BSDC1: variants seen among roughly 807,000 people sequenced by gnomAD.
BSDC1 encodes the protein BSD domain-containing protein 1.
Under a neutral mutation model 56.0 loss-of-function variants are expected in BSDC1, and 29 were observed. The ratio of observed to expected loss-of-function variants is 0.52; its 90% CI spans 0.39 to 0.71. The LOEUF (loss-of-function observed/expected upper bound fraction) is 0.71, where lower values mean the gene tolerates loss of function less well. Among genes scored for constraint, BSDC1 ranks in the 30% least tolerant of loss-of-function variants. The pLI is 0.00. For synonymous variants in BSDC1, 210 were observed against 215.3 expected, an observed-to-expected ratio of 0.98 and a Z score of 0.21; for missense variants, 477 against 548.5, an observed-to-expected ratio of 0.87 and a Z score of 1.30.
chr1:32,393,748 T>A, intron 2 of BSDC1: 1 of 345,858 alleles, frequency 2.9e-6, no homozygotes, highest in Non-Finnish European at 5.4e-6. Flanking sequence ...ACTGCTAGAA[T>A]CTTTTCCTTC....
At chr1:32,367,314 T>C in intron 10 of BSDC1, 5 of 985,410 alleles carry the variant, frequency 5.1e-6, no homozygotes, top group Non-Finnish European at 6.0e-6. Flanking sequence ...ACGTCAGGTT[T>C]TAAAGGGGGC....
rs1238657797 is a variant in BSDC1, at chr1:32,365,677, C to T, written c.*945G>A. ...TTTCAAGTTCACCCCCAGGATAGCC[C>T]TTCCAGAAGCAGAAGGGCTGAGGCG... On this transcript the variant is annotated 3_prime_UTR_variant, in exon 11 of 11. Transcript: ENST00000455895. 1 of 152,630 alleles carries T rather than the reference C, an allele frequency of 6.6e-6. No homozygotes were observed. The highest frequency in any genetic ancestry group is 1.5e-5 in the Non-Finnish European group (1 of 68,052). 9.5% of individuals were successfully genotyped at this position (152,630 alleles called of 1,614,324 possible).
In BSDC1 at chr1:32,378,054, T is replaced by C. The variant is rs1234592001; in HGVS notation, c.598-6A>G. The C allele has an allele frequency of 1.2e-6, 2 of 1,607,180 alleles. No homozygotes were observed. The highest frequency in any genetic ancestry group is 1.7e-6 in the Non-Finnish European group (2 of 1,175,966). ...GCGTCCCTCCGGGCCTGCTCCTGAA[T>C]GTGGGGGAGCAGAAGGCCACAGGCA... On this transcript the variant is annotated splice_region_variant and splice_polypyrimidine_tract_variant and intron_variant, in intron 7 of 10. Coordinates refer to ENST00000455895, the MANE Select transcript of BSDC1 (RefSeq NM_018045.8). This position sits in a 1 kb window ranked among gnomAD's most constrained non-coding sequence, Gnocchi z 5.2.
At chr1:32,391,315 T>C (rs1322530516) in intron 2 of BSDC1, among the ~76,000 whole-genome samples, 6 of 151,278 alleles carry the variant, frequency 4.0e-5, no homozygotes, top group African/African-American at 1.5e-4. Flanking sequence ...GGGGAGAGAG[T>C]TAAAGATCCT....
At chr1:32,367,900 G>T in intron 10 of BSDC1, 1 of 1,016,800 alleles carries the variant, frequency 9.8e-7, no homozygotes. Context: ...CAGGGGCTCA[G>T]GTTAAGTAAC....
intron 1 of BSDC1, 106 bp downstream of exon 1, chr1:32,394,298 G>A (rs1332815406): frequency 1.9e-6 from 3 of 1,593,920 alleles, no homozygotes; most frequent in Non-Finnish European, 1.7e-6. Flanking sequence ...TTTCAGATCA[G>A]TCCACGCCCC....
At position 32,386,868 on chromosome 1, in the gene BSDC1, G is replaced by A; in HGVS notation, c.100C>T (p.Arg34Trp). The A allele has an allele frequency of 6.2e-7, 1 of 1,612,232 alleles. No individual in the cohort carries two copies. Among genetic ancestry groups the A allele is most frequent in the Non-Finnish European group, 8.5e-7 (1 of 1,179,994 alleles). Residue 34 changes from arginine (R) to tryptophan (W), a missense_variant, in exon 3 of 11, where the codon CGG (arginine) becomes TGG (tryptophan). By Grantham distance (101) the Arg-to-Trp change is moderately radical. Transcript: ENST00000455895. ...ACCTGGGTAAACTCCGTCAGGTCCC[G>A]CTTCATAAACTCCAAGGCTTCAGAG... ...KSSEALEFMKRDLTEFTQVVQ... is the reference protein window; with the variant it reads ...KSSEALEFMKWDLTEFTQVVQ...
intron 2 of BSDC1, among the ~76,000 whole-genome samples, chr1:32,388,497 G>A (rs1043065119): frequency 2.6e-5 from 4 of 152,126 alleles, no homozygotes; most frequent in Non-Finnish European, 5.9e-5. Flanking sequence ...TTCCTCCCAG[G>A]TTGTCTCAGC....
chr1:32,383,888 T>G lies in BSDC1; in HGVS notation c.299A>C (p.Asp100Ala), dbSNP rs368930325. The G allele has an allele frequency of 6.2e-7, 1 of 1,612,364 alleles. No individual in the cohort carries two copies. Among genetic ancestry groups the G allele is most frequent in the South Asian group, 1.1e-5 (1 of 91,000 alleles). The change falls in exon 4 of 11, where the codon GAT becomes GCT. Residue 100 changes from aspartate to alanine, a missense_variant. By Grantham distance (126) the Asp-to-Ala change is moderately radical. Coordinates refer to ENST00000455895, the MANE Select transcript of BSDC1 (RefSeq NM_018045.8). ...APSPDKTIDC[D>A]VITLMGTPSG... ...CGGTGTGCCCATCAGGGTGATGACA[T>G]CGCAGTCGATGGTTTTGTCTGGCGA...
chr1:32,391,356 T>C (rs1570180591), intron 2 of BSDC1, among the ~76,000 whole-genome samples: 1 of 152,048 alleles, frequency 6.6e-6, no homozygotes, highest in Admixed American at 6.6e-5. Flanking sequence ...AAAAAGTAGA[T>C]GAGGTTGTCT....
intron 2 of BSDC1, among the ~76,000 whole-genome samples, chr1:32,393,007 C>T (rs889808551): frequency 8.5e-5 from 13 of 152,092 alleles, no homozygotes; most frequent in African/African-American, 2.4e-4. Context: ...GAGGTTGCAG[C>T]GAGCTGAGAC....
chr1:32,393,384 CCAGTGTGTATGGCT>C (rs1188236037), intron 2 of BSDC1, among the ~76,000 whole-genome samples: 1 of 152,190 alleles, frequency 6.6e-6, no homozygotes, highest in Non-Finnish European at 1.5e-5. Flanking sequence ...TCATCAGGCA[CCAGTGTGTATGGCT>C]CATGCTCATC....
At position 32,386,227 on chromosome 1, in the gene BSDC1, G is replaced by A. The variant is rs529987065; in HGVS notation, c.189+552C>T. On this transcript the variant is annotated intron_variant, in intron 3 of 10. Transcript: ENST00000455895. Reference sequence around the variant, plus strand: ...CCAGCTACTTGGGAGGCTGAGGCAGGAGAATAGCATGAACCCGGGAGGCGG... The same window carrying A: ...CCAGCTACTTGGGAGGCTGAGGCAGAAGAATAGCATGAACCCGGGAGGCGG... Among the ~76,000 whole-genome samples the A allele has an allele frequency of 6.7e-3, 1,008 of 151,052 alleles. 4 individuals carry two copies. The highest frequency in any genetic ancestry group is 0.011 in the Non-Finnish European group (776 of 67,880).
At chr1:32,370,804 A>C (rs1035386054) in intron 9 of BSDC1, among the ~76,000 whole-genome samples, 6 of 31,932 alleles carry the variant, frequency 1.9e-4, no homozygotes, top group African/African-American at 1.8e-3. Flanking sequence ...ACTCCGTCTC[A>C]AAAAAAAAAA....
intron 5 of BSDC1, among the ~76,000 whole-genome samples, chr1:32,380,571 G>T (rs910438248): frequency 1.3e-5 from 2 of 152,112 alleles, no homozygotes; most frequent in African/African-American, 4.8e-5. Context: ...GCTAGAACCC[G>T]GGAGGCGGAG....
At chr1:32,392,750 A>G (rs745506364) in intron 2 of BSDC1, among the ~76,000 whole-genome samples, 8 of 152,188 alleles carry the variant, frequency 5.3e-5, no homozygotes, top group Non-Finnish European at 1.2e-4. Flanking sequence ...AGGAGTACCC[A>G]GGATAAGGGA....
At chr1:32,390,637 A>G (rs940960646) in intron 2 of BSDC1, among the ~76,000 whole-genome samples, 2 of 152,156 alleles carry the variant, frequency 1.3e-5, no homozygotes, top group Admixed American at 6.5e-5. Flanking sequence ...CTGGCCGGGC[A>G]TGGTGGCTCA....
At chr1:32,369,374 G>T in intron 9 of BSDC1, 1 of 1,109,618 alleles carries the variant, frequency 9.0e-7, no homozygotes, top group South Asian at 1.3e-5. Context: ...AGGCATGGTA[G>T]TACACACCTA....
chr1:32,383,803 T>A, intron 4 of BSDC1, 27 bp downstream of exon 4: 1 of 1,607,186 alleles, frequency 6.2e-7, no homozygotes, highest in Non-Finnish European at 8.5e-7. Flanking sequence ...ATGTTAGGCA[T>A]CTGCAGGGGA....
Sources: gnomAD v4.1 joint callset for allele counts (sites outside exome capture counted in the v4.1 genomes callset) on GRCh38, gnomAD v4.1.1 for gene constraint, Gnocchi (gnomAD v3.1) non-coding constraint, MANE v1.5 for transcripts, NCBI Gene and HGNC (gene_info 2026-07-23, HGNC 2026-07-21) for gene names.